NELL2: variants seen among roughly 807,000 people sequenced by gnomAD.
NELL2 encodes protein kinase C-binding protein NELL2.
Under a neutral mutation model 109.6 loss-of-function variants are expected in NELL2, and 41 were observed. The ratio of observed to expected loss-of-function variants is 0.37; its 90% confidence interval spans 0.29 to 0.49. The LOEUF (loss-of-function observed/expected upper bound fraction) is 0.49, where lower values mean the gene tolerates loss of function less well. Ranked by LOEUF, NELL2 falls within the 20% of genes least tolerant of loss-of-function variation. The pLI, the probability that NELL2 is intolerant of heterozygous loss-of-function variation, is 0.98. For missense variants in NELL2, 900 were observed against 1,008.3 expected (o/e 0.89, Z 1.45); for synonymous variants, 355 against 344.7 (o/e 1.03, Z -0.33).
intron 15 of NELL2, among the ~76,000 whole-genome samples, chr12:44,565,719 G>A (rs1238211359): frequency 6.6e-6 from 1 of 152,128 alleles, no homozygotes; most frequent in East Asian, 1.9e-4. Context: ...TGGGCATAGG[G>A]TTGTAAGACT....
chr12:44,519,871 C>G (rs189366511), intron 19 of NELL2, 134 bp downstream of exon 19: 11 of 765,638 alleles, frequency 1.4e-5, no homozygotes, highest in Non-Finnish European at 2.4e-5. Flanking sequence ...AGTGGCATTC[C>G]GCCCACCTAT....
chr12:44,833,607 A>G (rs1370041140), intron 2 of NELL2, among the ~76,000 whole-genome samples: 1 of 152,222 alleles, frequency 6.6e-6, no homozygotes, highest in Non-Finnish European at 1.5e-5. Flanking sequence ...AATGAAATTC[A>G]ATGAATTTTC....
At chr12:44,649,055 T>A (rs1279851067) in intron 13 of NELL2, among the ~76,000 whole-genome samples, 6 of 151,912 alleles carry the variant, frequency 3.9e-5, no homozygotes, top group Admixed American at 6.6e-5. Flanking sequence ...CTTGAGCCAC[T>A]GTGCCCGGCC....
intron 15 of NELL2, among the ~76,000 whole-genome samples, chr12:44,582,220 A>G (rs1014041766): frequency 6.6e-5 from 10 of 152,168 alleles, no homozygotes; most frequent in Admixed American, 1.3e-4. Flanking sequence ...AAACATTCTA[A>G]GGAATGGTAG....
chr12:44,858,310 C>T (rs1384430763), intron 2 of NELL2, among the ~76,000 whole-genome samples: 1 of 152,192 alleles, frequency 6.6e-6, no homozygotes, highest in African/African-American at 2.4e-5. Context: ...TCCATCATTC[C>T]TTCCCTTTGT....
chr12:44,741,510 C>A (rs139279561), intron 9 of NELL2, among the ~76,000 whole-genome samples: 1,807 of 152,308 alleles, frequency 0.012, 138 homozygotes, highest in Admixed American at 0.1. Flanking sequence ...CGAGGCATCG[C>A]CTCACCCGGG....
At chr12:44,605,137 G>A (rs1028274511) in intron 15 of NELL2, among the ~76,000 whole-genome samples, 2 of 152,050 alleles carry the variant, frequency 1.3e-5, no homozygotes, top group African/African-American at 4.8e-5. Context: ...TTGGATTTAA[G>A]GCCCCCCAAA....
At chr12:44,629,339 G>A (rs1226068021) in intron 13 of NELL2, among the ~76,000 whole-genome samples, 1 of 152,050 alleles carries the variant, frequency 6.6e-6, no homozygotes, top group Non-Finnish European at 1.5e-5. Context: ...CCTATTGATA[G>A]GATTATCTAG....
chr12:44,768,631 G>A (rs76760065), intron 9 of NELL2, among the ~76,000 whole-genome samples: 2,183 of 152,210 alleles, frequency 0.014, 55 homozygotes, highest in African/African-American at 0.05. Flanking sequence ...GACACCATTA[G>A]CTTTCAGCTC....
chr12:44,842,010 T>C (rs886878792), intron 2 of NELL2, among the ~76,000 whole-genome samples: 1 of 148,904 alleles, frequency 6.7e-6, no homozygotes, highest in African/African-American at 2.5e-5. Context: ...TTAAATAGAA[T>C]GCAAAGGGCT....
In NELL2 at chr12:44,725,913, C is replaced by A. The variant is rs1019294165; in HGVS notation, c.995-11172G>T. Among the ~76,000 whole-genome samples, 13 of 152,170 alleles carry A rather than the reference C, an allele frequency of 8.5e-5. No homozygotes were observed. The East Asian group carries it at 1.9e-3, about 23-fold the overall frequency. ...TAACTATTGGGTACTGGGTTTAATA[C>A]CTGGGTGATGAAATACTATGTACAA... is the stretch of plus-strand genomic sequence containing the variant. On this transcript the variant is annotated intron_variant, in intron 9 of 19. Coordinates refer to ENST00000429094, the MANE Select transcript of NELL2 (RefSeq NM_001145108.2).
chr12:44,736,620 A>T (rs529297789), intron 9 of NELL2, among the ~76,000 whole-genome samples: 1 of 152,190 alleles, frequency 6.6e-6, no homozygotes, highest in Admixed American at 6.5e-5. Flanking sequence ...ATTCAACAAT[A>T]TACTGAACGA....
chr12:44,789,698 A>G (rs951395555), intron 3 of NELL2, among the ~76,000 whole-genome samples: 1 of 152,196 alleles, frequency 6.6e-6, no homozygotes, highest in Non-Finnish European at 1.5e-5. Flanking sequence ...AGAAAGACAA[A>G]GCCCAATGCA....
chr12:44,540,683 C>T (rs11182532), intron 15 of NELL2, among the ~76,000 whole-genome samples: 3 of 145,834 alleles, frequency 2.1e-5, no homozygotes, highest in Non-Finnish European at 4.5e-5. Context: ...GTAGAATTTG[C>T]TATTGTTTGA....
chr12:44,696,981 C>T (rs1477954505), intron 12 of NELL2, among the ~76,000 whole-genome samples: 1 of 152,102 alleles, frequency 6.6e-6, no homozygotes, highest in Non-Finnish European at 1.5e-5. Context: ...TACAGTAAGG[C>T]CTCCTCGCTT....
At chr12:44,870,159 T>A (rs2703052) in intron 2 of NELL2, among the ~76,000 whole-genome samples, 8,826 of 152,242 alleles carry the variant, frequency 0.058, 503 homozygotes, top group East Asian at 0.18. Flanking sequence ...CTTCAATGTC[T>A]ATACCTAACC....
At chr12:44,803,053 A>T (rs1942886138) in intron 3 of NELL2, among the ~76,000 whole-genome samples, 1 of 152,054 alleles carries the variant, frequency 6.6e-6, no homozygotes, top group Non-Finnish European at 1.5e-5. Flanking sequence ...AGGTTGACAT[A>T]GTGTGCCTCC....
chr12:44,896,262 T>A (rs928634534), intron 1 of NELL2, among the ~76,000 whole-genome samples: 3 of 152,190 alleles, frequency 2.0e-5, no homozygotes, highest in Admixed American at 2.0e-4. Flanking sequence ...TAAGCTAATA[T>A]GAAATACACA....
intron 15 of NELL2, among the ~76,000 whole-genome samples, chr12:44,558,419 G>A (rs1943336240): frequency 2.0e-5 from 3 of 152,220 alleles, no homozygotes; most frequent in South Asian, 2.1e-4. Flanking sequence ...AGAGATAAAC[G>A]TGGAAGGTGG....
Sources: gnomAD v4.1 joint callset for allele counts (sites outside exome capture counted in the v4.1 genomes callset) on GRCh38, gnomAD v4.1.1 for gene constraint, MANE v1.5 for transcripts, NCBI Gene and HGNC (gene_info 2026-07-23, HGNC 2026-07-21) for gene names.